Variants in KLRG1 observed in about 807,000 individuals in gnomAD.
KLRG1 encodes the protein killer cell lectin-like receptor subfamily G member 1.
KLRG1 carries 16 observed loss-of-function variants against 21.8 expected under a neutral mutation model. The ratio of observed to expected loss-of-function variants is 0.73; its 90% confidence interval spans 0.50 to 1.11. The LOEUF (loss-of-function observed/expected upper bound fraction) is 1.11. KLRG1 is among the 50% of genes most tolerant of loss of function. KLRG1 has a pLI of 0.00. For synonymous variants in KLRG1, 69 were observed against 75.9 expected, an observed-to-expected ratio of 0.91 and a Z score of 0.47; for missense variants, 173 against 218.3, an observed-to-expected ratio of 0.79 and a Z score of 1.31.
the KLRG1 span, among the ~76,000 whole-genome samples, chr12:9,105,793 A>G: frequency 1.3e-5 from 2 of 152,220 alleles, no homozygotes; most frequent in Non-Finnish European, 2.9e-5. Flanking sequence ...AGAATCTTTA[A>G]TACTTCAAAA....
At chr12:9,129,954 A>G in the KLRG1 span, among the ~76,000 whole-genome samples, 2 of 152,220 alleles carry the variant, frequency 1.3e-5, no homozygotes, top group Non-Finnish European at 2.9e-5. Flanking sequence ...TATAACTACT[A>G]AACAACCTAT....
At chr12:9,021,487 G>A in the KLRG1 span, among the ~76,000 whole-genome samples, 1 of 147,222 alleles carries the variant, frequency 6.8e-6, no homozygotes, top group Non-Finnish European at 1.5e-5. Context: ...TGTGACCTCC[G>A]CCTCCTGGGT....
chr12:8,977,370 A>ATTTTTTTTTTTTTTT (rs1229287155), intron 1 of KLRG1, among the ~76,000 whole-genome samples: 1 of 127,842 alleles, frequency 7.8e-6, no homozygotes. Context: ...TGCCTGGCTA[A>ATTTTTTTTTTTTTTT]TTTTTTTTTT....
At chr12:9,017,264 C>CAAAAAAAAAAAAAAAAAAAAAAAAA in the KLRG1 span, among the ~76,000 whole-genome samples, 1 of 53,130 alleles carries the variant, frequency 1.9e-5, no homozygotes, top group Admixed American at 2.8e-4. Flanking sequence ...AACTCCATCT[C>CAAAAAAAAAAAAAAAAAAAAAAAAA]AAAAAAAAAA....
At chr12:9,176,749 C>T in the KLRG1 span, among the ~76,000 whole-genome samples, 4 of 152,176 alleles carry the variant, frequency 2.6e-5, no homozygotes, top group African/African-American at 9.7e-5. Context: ...TCCTGAGTGC[C>T]TCTTGTTTCC....
the KLRG1 span, among the ~76,000 whole-genome samples, chr12:9,204,924 C>G: frequency 6.6e-6 from 1 of 151,818 alleles, no homozygotes; most frequent in African/African-American, 2.4e-5. Context: ...GTGAGGTCCC[C>G]CATCTCTACA....
chr12:9,009,179 A>G, intron 4 of KLRG1, 104 bp downstream of exon 4: 1 of 935,116 alleles, frequency 1.1e-6, no homozygotes, highest in Non-Finnish European at 1.6e-6. Context: ...AGAGGAGAGG[A>G]AAGAATGAAA....
chr12:9,049,721 G>C, the KLRG1 span, among the ~76,000 whole-genome samples: 1 of 152,028 alleles, frequency 6.6e-6, no homozygotes, highest in Non-Finnish European at 1.5e-5. Context: ...AACCTTTGCT[G>C]CCACCCTGTG....
chr12:9,103,019 C>G, the KLRG1 span, among the ~76,000 whole-genome samples: 1 of 152,092 alleles, frequency 6.6e-6, no homozygotes, highest in Non-Finnish European at 1.5e-5. Context: ...GTCTACATCT[C>G]TCTTGATGAA....
chr12:9,052,869 A>C, the KLRG1 span: 1 of 454,950 alleles, frequency 2.2e-6, no homozygotes, highest in Non-Finnish European at 4.4e-6. Flanking sequence ...AAGCAGTGCC[A>C]GGCAGATGGT....
At chr12:8,982,565 A>G (rs1298613864) in intron 1 of KLRG1, among the ~76,000 whole-genome samples, 2 of 152,046 alleles carry the variant, frequency 1.3e-5, no homozygotes, top group African/African-American at 4.8e-5. Flanking sequence ...TGGTTTGCAC[A>G]TTGTATATAT....
At chr12:9,109,455 G>T in the KLRG1 span, 3 of 1,436,068 alleles carry the variant, frequency 2.1e-6, no homozygotes, top group East Asian at 6.9e-5. Context: ...AACTTTGGGG[G>T]AATTCCTATT....
the KLRG1 span, among the ~76,000 whole-genome samples, chr12:9,047,544 T>TA: frequency 6.6e-6 from 1 of 152,182 alleles, no homozygotes; most frequent in Non-Finnish European, 1.5e-5. Context: ...AGGTAGAGAT[T>TA]AAATCTAAAT....
the KLRG1 span, among the ~76,000 whole-genome samples, chr12:9,037,610 C>T: frequency 2.0e-5 from 3 of 152,318 alleles, no homozygotes; most frequent in South Asian, 6.2e-4. Flanking sequence ...TAGGCTTTCA[C>T]ATTCACTCAC....
the KLRG1 span, among the ~76,000 whole-genome samples, chr12:9,098,024 GTTGAAACTAGT>G: frequency 2.0e-5 from 3 of 152,234 alleles, no homozygotes; most frequent in African/African-American, 7.2e-5. Context: ...TTTTTGAAAT[GTTGAAACTAGT>G]TTGACAACTC....
At chr12:9,154,180 G>A in the KLRG1 span, among the ~76,000 whole-genome samples, 13 of 152,298 alleles carry the variant, frequency 8.5e-5, no homozygotes, top group East Asian at 2.5e-3. Context: ...GTTCCCAACT[G>A]GAGGAAATTT....
At chr12:9,073,075 C>CAAG in the KLRG1 span, among the ~76,000 whole-genome samples, 80 of 152,264 alleles carry the variant, frequency 5.3e-4, no homozygotes, top group South Asian at 6.0e-3. Context: ...GACTGTATGC[C>CAAG]CTACATGTTT....
chr12:9,149,289 A>T, the KLRG1 span, among the ~76,000 whole-genome samples: 2 of 152,264 alleles, frequency 1.3e-5, no homozygotes, highest in Admixed American at 1.3e-4. Flanking sequence ...GTGTTGAAGG[A>T]AGCCCAATTA....
At chr12:9,199,967 T>C in the KLRG1 span, among the ~76,000 whole-genome samples, 2 of 152,224 alleles carry the variant, frequency 1.3e-5, no homozygotes, top group African/African-American at 4.8e-5. Flanking sequence ...CAATTGAAGA[T>C]ACTTGACTGT....
Sources: gnomAD v4.1 joint callset for allele counts (sites outside exome capture counted in the v4.1 genomes callset) on GRCh38, gnomAD v4.1.1 for gene constraint, MANE v1.5 for transcripts, NCBI Gene and HGNC (gene_info 2026-07-23, HGNC 2026-07-21) for gene names.